The following B3GALT1 variants were observed in gnomAD, a reference collection of about 807,000 sequenced individuals.
B3GALT1 encodes UDP-Gal:betaGlcNAc beta 1,3-galactosyltransferase, polypeptide 1.
A neutral mutation model predicts 23.2 loss-of-function variants in B3GALT1; 10 were observed. The observed-to-expected ratio is 0.43, with a 90% CI of 0.27 to 0.73. B3GALT1 has a LOEUF of 0.73. Ranked by LOEUF, B3GALT1 falls within the 30% of genes least tolerant of loss-of-function variation. B3GALT1 has a pLI of 0.21. For synonymous variants in B3GALT1, 156 were observed against 141.5 expected (o/e 1.10, Z -0.73); for missense variants, 299 against 405.4 (o/e 0.74, Z 2.25).
At chr2:167,600,430 A>T (rs1730702) in intron 2 of B3GALT1, among the ~76,000 whole-genome samples, 3,353 of 152,334 alleles carry the variant, frequency 0.022, 134 homozygotes, top group African/African-American at 0.075. Flanking sequence ...TCAGTGGTTT[A>T]TAACCTGTTC....
chr2:167,667,605 G>C (rs1241671356), intron 3 of B3GALT1, among the ~76,000 whole-genome samples: 1 of 152,052 alleles, frequency 6.6e-6, no homozygotes, highest in East Asian at 1.9e-4. Context: ...ACGTAGATTT[G>C]GTCTTTTCAC....
chr2:167,497,219 G>A (rs1204842020), intron 2 of B3GALT1, among the ~76,000 whole-genome samples: 1 of 152,096 alleles, frequency 6.6e-6, no homozygotes, highest in Non-Finnish European at 1.5e-5. Context: ...ACAAAGTTGA[G>A]CAGAGGAAGG....
At chr2:167,420,896 AT>A (rs1323083970) in intron 1 of B3GALT1, among the ~76,000 whole-genome samples, 1 of 152,228 alleles carries the variant, frequency 6.6e-6, no homozygotes, top group East Asian at 1.9e-4. Context: ...AGAAAGGGAC[AT>A]TATTCGATAT....
At chr2:167,600,754 A>G (rs530843242) in intron 2 of B3GALT1, among the ~76,000 whole-genome samples, 2 of 152,360 alleles carry the variant, frequency 1.3e-5, no homozygotes, top group African/African-American at 4.8e-5. Context: ...GCTGAATAAC[A>G]TTCCATGGTA....
intron 1 of B3GALT1, among the ~76,000 whole-genome samples, chr2:167,327,068 A>T (rs559373860): frequency 1.3e-5 from 2 of 152,154 alleles, no homozygotes; most frequent in South Asian, 4.1e-4. Context: ...GTTTGCTATA[A>T]ATATGTAGAT....
At chr2:167,439,850 C>T (rs1039826438) in intron 1 of B3GALT1, among the ~76,000 whole-genome samples, 38 of 151,512 alleles carry the variant, frequency 2.5e-4, no homozygotes, top group Non-Finnish European at 4.7e-4. Flanking sequence ...CAGTTTCAGC[C>T]TCAATGTGTT....
At chr2:167,420,169 A>G (rs962882444) in intron 1 of B3GALT1, among the ~76,000 whole-genome samples, 1 of 152,162 alleles carries the variant, frequency 6.6e-6, no homozygotes, top group Admixed American at 6.5e-5. Context: ...ATCAAAATTC[A>G]TTGATGACTT....
At chr2:167,799,606 A>C (rs372582809) in intron 3 of B3GALT1, among the ~76,000 whole-genome samples, 6 of 152,336 alleles carry the variant, frequency 3.9e-5, no homozygotes, top group African/African-American at 1.2e-4. Flanking sequence ...TTTTCCTAAA[A>C]ATAGTGGTGA....
In B3GALT1 at chr2:167,664,539, G is replaced by A. The variant is rs1325706421; in HGVS notation, c.-352+17573G>A. Among the ~76,000 whole-genome samples, 21 of 151,608 alleles carry A rather than the reference G, an allele frequency of 1.4e-4. No homozygotes were observed. In the South Asian group the frequency reaches 3.5e-3, roughly 26 times the overall value. ...TTGATGGGGATGGCATTGAATCTGTGAATTACCTTGGGCAGTATGACCATT... is the reference window on the plus strand; with the variant it reads ...TTGATGGGGATGGCATTGAATCTGTAAATTACCTTGGGCAGTATGACCATT... On this transcript the variant is annotated intron_variant, in intron 3 of 4. Coordinates refer to ENST00000392690, the MANE Select transcript of B3GALT1 (RefSeq NM_020981.4).
At chr2:167,825,250 C>T (rs1291985700) in intron 4 of B3GALT1, among the ~76,000 whole-genome samples, 1 of 143,636 alleles carries the variant, frequency 7.0e-6, no homozygotes, top group Non-Finnish European at 1.5e-5. Flanking sequence ...CGCCACTGTA[C>T]TCTAGCCTGG....
chr2:167,747,380 C>T (rs1687668476), intron 3 of B3GALT1, among the ~76,000 whole-genome samples: 1 of 152,202 alleles, frequency 6.6e-6, no homozygotes, highest in Non-Finnish European at 1.5e-5. Context: ...CATTCATTAA[C>T]ATCATACAAC....
At chr2:167,391,814 G>C (rs1698017604) in intron 1 of B3GALT1, among the ~76,000 whole-genome samples, 2 of 152,048 alleles carry the variant, frequency 1.3e-5, no homozygotes, top group Non-Finnish European at 2.9e-5. Flanking sequence ...TGCCTACTTT[G>C]TCTCAACTTT....
At chr2:167,445,668 G>A (rs944821301) in intron 1 of B3GALT1, among the ~76,000 whole-genome samples, 1 of 152,124 alleles carries the variant, frequency 6.6e-6, no homozygotes, top group Non-Finnish European at 1.5e-5. Context: ...TGTTTTATCA[G>A]ACACTAGGAT....
At chr2:167,571,315 A>G (rs1558910870) in intron 2 of B3GALT1, among the ~76,000 whole-genome samples, 2 of 151,930 alleles carry the variant, frequency 1.3e-5, no homozygotes, top group East Asian at 3.8e-4. Flanking sequence ...GCACCTCTCC[A>G]ATGATTTAGG....
At chr2:167,701,487 C>A (rs1686881607) in intron 3 of B3GALT1, among the ~76,000 whole-genome samples, 1 of 151,942 alleles carries the variant, frequency 6.6e-6, no homozygotes, top group African/African-American at 2.4e-5. Context: ...CTATGATGGT[C>A]GTAAAGTTTA....
chr2:167,571,992 G>T (rs1338673971), intron 2 of B3GALT1, among the ~76,000 whole-genome samples: 1 of 151,794 alleles, frequency 6.6e-6, no homozygotes, highest in Non-Finnish European at 1.5e-5. Flanking sequence ...AGTTGTATCA[G>T]AACCAGAACC....
At chr2:167,413,176 A>G (rs922299855) in intron 1 of B3GALT1, among the ~76,000 whole-genome samples, 5 of 152,048 alleles carry the variant, frequency 3.3e-5, no homozygotes, top group Admixed American at 3.3e-4. Context: ...GTCCTGCAAT[A>G]AAGCTGACAA....
At chr2:167,619,191 A>G (rs189969781) in intron 2 of B3GALT1, among the ~76,000 whole-genome samples, 2 of 151,908 alleles carry the variant, frequency 1.3e-5, no homozygotes, top group South Asian at 2.1e-4. Context: ...GTTTTATTCT[A>G]TAGGTTATAC....
intron 1 of B3GALT1, among the ~76,000 whole-genome samples, chr2:167,454,445 A>T (rs75132574): frequency 0.017 from 2,649 of 152,302 alleles, 82 homozygotes; most frequent in African/African-American, 0.061. Context: ...CAGCATTGTA[A>T]AAAAGCAAAA....
Sources: gnomAD v4.1 joint callset for allele counts (sites outside exome capture counted in the v4.1 genomes callset) on GRCh38, gnomAD v4.1.1 for gene constraint, MANE v1.5 for transcripts, NCBI Gene and HGNC (gene_info 2026-07-23, HGNC 2026-07-21) for gene names.